The following COPB2 variants were observed in gnomAD, a reference collection of about 807,000 sequenced individuals.
COPB2 encodes coat protein complex I subunit beta 2.
Under a neutral mutation model 120.8 loss-of-function variants are expected in COPB2, and 16 were observed. The observed-to-expected ratio is 0.13, with a 90% CI of 0.09 to 0.20. COPB2 has a LOEUF of 0.20. Among genes scored for constraint, COPB2 ranks in the 10% least tolerant of loss-of-function variants. The probability of loss-of-function intolerance (pLI) is 1.00; values close to 1 mark genes in which losing one functional copy is unlikely to be tolerated. For missense variants in COPB2, 794 were observed against 1,076.5 expected, an observed-to-expected ratio of 0.74 and a Z score of 3.67; for synonymous variants, 332 against 366.3, an observed-to-expected ratio of 0.91 and a Z score of 1.07.
At chr3:139,374,861 A>G (rs1303071928) in intron 6 of COPB2, among the ~76,000 whole-genome samples, 1 of 152,204 alleles carries the variant, frequency 6.6e-6, no homozygotes, top group African/African-American at 2.4e-5. Flanking sequence ...ATTCCCCCAA[A>G]TTCTCAGGAT....
At chr3:139,372,052 A>G (rs1941633339) in intron 9 of COPB2, among the ~76,000 whole-genome samples, 1 of 152,238 alleles carries the variant, frequency 6.6e-6, no homozygotes, top group Non-Finnish European at 1.5e-5. Context: ...TGAATATGGC[A>G]TTACTGCTGA....
intron 1 of COPB2, chr3:139,388,484 T>A (rs1290262280): frequency 1.2e-5 from 1 of 80,288 alleles, no homozygotes; most frequent in Non-Finnish European, 3.2e-5. Flanking sequence ...CCTGGGAGTA[T>A]TCCTAACTTT....
chr3:139,369,052 A>C (rs1941575777), intron 12 of COPB2, among the ~76,000 whole-genome samples: 3 of 152,264 alleles, frequency 2.0e-5, no homozygotes, highest in Admixed American at 2.0e-4. Flanking sequence ...TCAGAAAATC[A>C]GGATTGTTGT....
rs1354774171 is a variant in COPB2 at position 139,368,133 on chromosome 3, TG to T, written c.1545+11del. 2 of 1,606,780 alleles carry T rather than the reference TG, an allele frequency of 1.2e-6. No individual in the cohort carries two copies. The highest frequency in any genetic ancestry group is 2.7e-5 in the African/African-American group (2 of 74,538). On this transcript the variant is annotated intron_variant, in intron 13 of 21. Transcript: ENST00000333188. ...ACAAAGCTGAAAGCGAAAGTTGTGCTGATGCAATTACCTCAAAGGCATCTTC... is the reference window on the plus strand; with the variant it reads ...ACAAAGCTGAAAGCGAAAGTTGTGCTATGCAATTACCTCAAAGGCATCTTC...
At position 139,359,811 on chromosome 3, in the gene COPB2, T is replaced by G. The variant is rs1941376560; in HGVS notation, c.2211-449A>C. ...CTATTTTAATTTCATTTTTTTTCTG[T>G]GCAAGTTTTATGATGTGGACAATAT... On this transcript the variant is annotated intron_variant, in intron 17 of 21. Coordinates refer to ENST00000333188, the MANE Select transcript of COPB2 (RefSeq NM_004766.3). Among the ~76,000 whole-genome samples, 3 of 152,308 alleles carry G rather than the reference T, an allele frequency of 2.0e-5. No individual in the cohort carries two copies. The South Asian group carries it at 6.2e-4, about 32-fold the overall frequency.
chr3:139,386,547 T>C (rs1402563720), intron 1 of COPB2, among the ~76,000 whole-genome samples: 1 of 152,174 alleles, frequency 6.6e-6, no homozygotes, highest in Non-Finnish European at 1.5e-5. Flanking sequence ...ATCATCATCT[T>C]AACATTCCTT....
chr3:139,387,044 C>CAA (rs538025993), intron 1 of COPB2, among the ~76,000 whole-genome samples: 47,944 of 120,872 alleles, frequency 0.4, 10,509 homozygotes, highest in Non-Finnish European at 0.53. Flanking sequence ...ACTAAAAATA[C>CAA]AAAAAAAAAA....
intron 13 of COPB2, 52 bp downstream of exon 13, chr3:139,368,093 A>G (rs1560015535): frequency 6.3e-7 from 1 of 1,580,418 alleles, no homozygotes; most frequent in Admixed American, 1.8e-5. Context: ...TTGTAAGAAT[A>G]TAAATCATTT....
chr3:139,357,778 A>G lies in COPB2; in HGVS notation c.*85T>C, dbSNP rs1941318239. 2 of 599,882 alleles carry G rather than the reference A, an allele frequency of 3.3e-6. No individual in the cohort carries two copies. Among genetic ancestry groups the G allele is most frequent in the Non-Finnish European group, 5.5e-6 (2 of 365,456 alleles). 37.2% of individuals were successfully genotyped at this position (599,882 alleles called of 1,614,324 possible). ...TATAAAAATCTAAGAAGTTTCTCAT[A>G]GTCCAAAGCACTGTGGTCAGGGTAG... is the stretch of plus-strand genomic sequence containing the variant. On this transcript the variant is annotated 3_prime_UTR_variant, in exon 22 of 22. Coordinates refer to ENST00000333188, the MANE Select transcript of COPB2 (RefSeq NM_004766.3).
In COPB2 at chr3:139,358,984, T is replaced by A; in HGVS notation, c.2484+14A>T. The A allele has an allele frequency of 6.2e-7, 1 of 1,608,882 alleles. No homozygotes were observed. The highest frequency in any genetic ancestry group is 8.5e-7 in the Non-Finnish European group (1 of 1,177,974). On this transcript the variant is annotated intron_variant, in intron 19 of 21. Coordinates refer to ENST00000333188, the MANE Select transcript of COPB2 (RefSeq NM_004766.3). ...TAGTTACAATAAATGAAGCTTGACA[T>A]CCTGGCCACTCACCGTGACAAGTGG...
chr3:139,357,898 C>CTGT lies in COPB2; in HGVS notation c.2683_2685dup (p.Thr895dup). On this transcript the variant is annotated inframe_insertion, in exon 22 of 22. Coordinates refer to ENST00000333188, the MANE Select transcript of COPB2 (RefSeq NM_004766.3). ...AAAATATCTTCATCCAGATTGATAT[C>CTGT]TGTTGTGTCAATATCTTCTAATTCC... The CTGT allele has an allele frequency of 6.3e-7, 1 of 1,597,840 alleles. No homozygotes were observed. Among genetic ancestry groups the CTGT allele is most frequent in the Non-Finnish European group, 8.6e-7 (1 of 1,167,900 alleles).
chr3:139,362,863 AAAC>A (rs763096538), intron 15 of COPB2, among the ~76,000 whole-genome samples: 77 of 152,358 alleles, frequency 5.1e-4, no homozygotes, highest in Non-Finnish European at 7.8e-4. Flanking sequence ...AAAGTTGACT[AAAC>A]AAGAATCATT....
intron 17 of COPB2, 32 bp downstream of exon 17, chr3:139,361,049 A>G (rs764631027): frequency 6.2e-7 from 1 of 1,608,246 alleles, no homozygotes; most frequent in East Asian, 2.2e-5. Flanking sequence ...TCCTCAGTGT[A>G]GAATTAATTA....
At chr3:139,364,026 T>TA (rs1475614461) in intron 15 of COPB2, among the ~76,000 whole-genome samples, 1 of 145,824 alleles carries the variant, frequency 6.9e-6, no homozygotes, top group Non-Finnish European at 1.5e-5. Context: ...CTACTACTAA[T>TA]AAAATCACAC....
chr3:139,373,588 C>A, intron 8 of COPB2, 78 bp downstream of exon 8: 3 of 1,589,788 alleles, frequency 1.9e-6, no homozygotes, highest in Non-Finnish European at 2.6e-6. Context: ...AAACTGGTTA[C>A]TTGGAAGATG....
Position 139,379,089 on chromosome 3 carries a change from T to A in COPB2, c.313A>T (p.Ile105Phe). ...FEAHSDYIRC[I>F]AVHPTQPFIL... ...AAAGGCTGGGTTGGATGAACAGCAA[T>A]ACAGCGAATGTAGTCTGAGTGTGCT... is the stretch of plus-strand genomic sequence containing the variant. The change falls in exon 4 of 22, where the codon ATT becomes TTT. Residue 105 changes from isoleucine to phenylalanine, a missense_variant. Coordinates refer to ENST00000333188, the MANE Select transcript of COPB2 (RefSeq NM_004766.3). 6.2e-7 allele frequency: 1 copy of A among 1,612,246 alleles called. No homozygotes were observed. The highest frequency in any genetic ancestry group is 8.5e-7 in the Non-Finnish European group (1 of 1,179,524).
chr3:139,367,503 G>A (rs1235587449), intron 13 of COPB2, among the ~76,000 whole-genome samples: 1 of 151,984 alleles, frequency 6.6e-6, no homozygotes, highest in African/African-American at 2.4e-5. Flanking sequence ...GGCCAGGCTG[G>A]TCTTAGACTC....
chr3:139,377,825 A>C (rs914443578), intron 5 of COPB2, among the ~76,000 whole-genome samples: 1 of 152,246 alleles, frequency 6.6e-6, no homozygotes, highest in African/African-American at 2.4e-5. Flanking sequence ...CTCCACACAG[A>C]AAAACGCTCC....
intron 4 of COPB2, among the ~76,000 whole-genome samples, chr3:139,378,399 A>C (rs1941754086): frequency 6.6e-6 from 1 of 152,182 alleles, no homozygotes; most frequent in Non-Finnish European, 1.5e-5. Context: ...AAATAAATAA[A>C]ATAGATTAGA....
Sources: gnomAD v4.1 joint callset for allele counts (sites outside exome capture counted in the v4.1 genomes callset) on GRCh38, gnomAD v4.1.1 for gene constraint, MANE v1.5 for transcripts, NCBI Gene and HGNC (gene_info 2026-07-23, HGNC 2026-07-21) for gene names.